VEGFC: variants seen among roughly 807,000 people sequenced by gnomAD.
VEGFC encodes vascular endothelial growth factor C, also known as FLT4 ligand DHM.
Under a neutral mutation model 46.1 loss-of-function variants are expected in VEGFC, and 12 were observed. That is an observed-to-expected ratio of 0.26 (90% confidence interval 0.17 to 0.42). The LOEUF is 0.42. Among genes scored for constraint, VEGFC ranks in the 10% least tolerant of loss-of-function variants. The pLI is 1.00. For missense variants in VEGFC, 488 were observed against 529.4 expected (o/e 0.92, Z 0.77); for synonymous variants, 232 against 195.5 (o/e 1.19, Z -1.56).
intron 4 of VEGFC, among the ~76,000 whole-genome samples, chr4:176,692,163 G>A (rs1182213912): frequency 1.3e-5 from 2 of 151,812 alleles, no homozygotes; most frequent in Admixed American, 6.6e-5. Context: ...GGGAGGCCGA[G>A]GCGGGCGGAT....
chr4:176,778,994 G>GA (rs1286783161), intron 1 of VEGFC, among the ~76,000 whole-genome samples: 2 of 151,982 alleles, frequency 1.3e-5, no homozygotes, highest in Non-Finnish European at 2.9e-5. Context: ...CACAGAACAG[G>GA]AAAAAATGTC....
intron 1 of VEGFC, among the ~76,000 whole-genome samples, chr4:176,760,732 G>A (rs1735514737): frequency 6.6e-6 from 1 of 152,122 alleles, no homozygotes; most frequent in South Asian, 2.1e-4. Context: ...CCATGCATGT[G>A]ATATTGCCAA....
chr4:176,702,723 C>G (rs3775194), intron 4 of VEGFC, among the ~76,000 whole-genome samples: 73,680 of 151,904 alleles, frequency 0.49, 20,984 homozygotes, highest in East Asian at 0.87. Context: ...GCACTATTAA[C>G]TTCAAGGTCC....
intron 4 of VEGFC, among the ~76,000 whole-genome samples, chr4:176,691,108 T>A (rs905487701): frequency 1.3e-5 from 2 of 152,170 alleles, no homozygotes; most frequent in Non-Finnish European, 2.9e-5. Flanking sequence ...CATTTAAAAC[T>A]TCTCAGGCAA....
intron 1 of VEGFC, among the ~76,000 whole-genome samples, chr4:176,765,550 ATTTTT>A (rs779746169): frequency 1.5e-5 from 2 of 131,508 alleles, no homozygotes. Context: ...CAAAGACAGA[ATTTTT>A]TTTTTTTTTT....
intron 1 of VEGFC, among the ~76,000 whole-genome samples, chr4:176,756,582 G>A (rs960461518): frequency 6.6e-6 from 1 of 151,956 alleles, no homozygotes; most frequent in Non-Finnish European, 1.5e-5. Context: ...CTTTTGAAAA[G>A]AACGGGCATG....
At chr4:176,721,440 A>G (rs969124232) in intron 3 of VEGFC, among the ~76,000 whole-genome samples, 6 of 152,144 alleles carry the variant, frequency 3.9e-5, no homozygotes, top group Non-Finnish European at 8.8e-5. Context: ...AAAAAAAATC[A>G]CTGCTAAAAA....
chr4:176,791,868 G>A (rs144734729), intron 1 of VEGFC, among the ~76,000 whole-genome samples: 1 of 152,148 alleles, frequency 6.6e-6, no homozygotes, highest in Non-Finnish European at 1.5e-5. Flanking sequence ...TGACTGGGCA[G>A]GGTTCAAGAC....
intron 3 of VEGFC, among the ~76,000 whole-genome samples, chr4:176,723,564 A>G (rs978018867): frequency 1.4e-5 from 2 of 147,176 alleles, no homozygotes; most frequent in African/African-American, 5.1e-5. Flanking sequence ...GTTTTATTTT[A>G]GGTTTGGGGG....
At chr4:176,694,444 T>C (rs1276056138) in intron 4 of VEGFC, among the ~76,000 whole-genome samples, 1 of 151,880 alleles carries the variant, frequency 6.6e-6, no homozygotes, top group Non-Finnish European at 1.5e-5. Context: ...CCTAAATATA[T>C]ATGCACCCAA....
chr4:176,698,551 C>G (rs1311349953), intron 4 of VEGFC, among the ~76,000 whole-genome samples: 1 of 151,932 alleles, frequency 6.6e-6, no homozygotes, highest in African/African-American at 2.4e-5. Context: ...CAAAATCAAG[C>G]TAATTAACAT....
At chr4:176,765,964 C>A (rs542913911) in intron 1 of VEGFC, among the ~76,000 whole-genome samples, 14 of 151,830 alleles carry the variant, frequency 9.2e-5, no homozygotes, top group Non-Finnish European at 1.9e-4. Flanking sequence ...GGAAAAAAAT[C>A]TTTAGAATAT....
intron 1 of VEGFC, among the ~76,000 whole-genome samples, chr4:176,783,020 G>T (rs1735942280): frequency 6.6e-6 from 1 of 152,200 alleles, no homozygotes; most frequent in Non-Finnish European, 1.5e-5. Context: ...AATGCCCCCA[G>T]CACTGTAGTC....
intron 1 of VEGFC, among the ~76,000 whole-genome samples, chr4:176,789,750 C>T (rs972659508): frequency 2.0e-5 from 3 of 152,048 alleles, no homozygotes; most frequent in African/African-American, 7.2e-5. Flanking sequence ...AAATATAAGT[C>T]GAGGAATAAG....
At chr4:176,696,349 C>G (rs532228007) in intron 4 of VEGFC, among the ~76,000 whole-genome samples, 43 of 151,526 alleles carry the variant, frequency 2.8e-4, no homozygotes, top group African/African-American at 9.0e-4. Flanking sequence ...AACAGACAAA[C>G]AGAGAGCCAA....
chr4:176,757,638 G>GT (rs575130258), intron 1 of VEGFC, among the ~76,000 whole-genome samples: 130 of 149,994 alleles, frequency 8.7e-4, no homozygotes, highest in African/African-American at 3.0e-3. Flanking sequence ...AACAATTTTT[G>GT]TGATTATTCA....
At chr4:176,742,096 C>T (rs1011977068) in intron 1 of VEGFC, among the ~76,000 whole-genome samples, 8 of 151,944 alleles carry the variant, frequency 5.3e-5, no homozygotes, top group African/African-American at 1.9e-4. Flanking sequence ...CTCTTTCCCC[C>T]CATTTTGGAG....
intron 3 of VEGFC, among the ~76,000 whole-genome samples, chr4:176,723,795 G>C (rs545116808): frequency 1.6e-3 from 205 of 129,364 alleles, no homozygotes; most frequent in African/African-American, 5.1e-3. Flanking sequence ...GTTTGGGGGT[G>C]CATGTGCAGG....
chr4:176,708,838 T>C (rs1734576868), intron 4 of VEGFC, among the ~76,000 whole-genome samples: 1 of 152,202 alleles, frequency 6.6e-6, no homozygotes, highest in South Asian at 2.1e-4. Flanking sequence ...ATTTGCCCTT[T>C]AATGACTACC....
Sources: allele counts gnomAD v4.1 joint callset (sites outside exome capture counted in the v4.1 genomes callset), GRCh38; gene constraint gnomAD v4.1.1; transcripts MANE v1.5; gene names NCBI Gene and HGNC (gene_info 2026-07-23, HGNC 2026-07-21).